The following PSMC3IP variants were observed in gnomAD, a reference collection of about 807,000 sequenced individuals.
PSMC3IP encodes homologous-pairing protein 2 homolog.
A neutral mutation model predicts 34.9 loss-of-function variants in PSMC3IP; 26 were observed. The ratio of observed to expected loss-of-function variants is 0.74; its 90% CI spans 0.55 to 1.03. PSMC3IP has a LOEUF of 1.03. Among genes scored for constraint, PSMC3IP ranks in the 50% least tolerant of loss-of-function variants. PSMC3IP has a pLI of 0.00. For synonymous variants in PSMC3IP, 87 were observed against 96.5 expected, an observed-to-expected ratio of 0.90 and a Z score of 0.57; for missense variants, 250 against 263.1, an observed-to-expected ratio of 0.95 and a Z score of 0.34.
Position 42,577,459 on chromosome 17 carries a change from A to G in PSMC3IP, c.135+2T>C. The stretch of plus-strand genomic sequence containing the variant: ...GAGGGAATCCCGGGAGAAGGTCCTC[A>G]CCGCCTTGCCCAGTCCGTGTTCCCG... On this transcript the variant is annotated splice_donor_variant, in intron 2 of 7. Coordinates refer to ENST00000393795, the MANE Select transcript of PSMC3IP (RefSeq NM_016556.4). LOFTEE classifies it high-confidence loss of function. 1 of 1,613,916 alleles carries G rather than the reference A, an allele frequency of 6.2e-7. No homozygotes were observed.
intron 6 of PSMC3IP, 71 bp downstream of exon 6, chr17:42,573,240 A>G (rs2093048125): frequency 6.2e-7 from 1 of 1,613,952 alleles, no homozygotes. Flanking sequence ...GATATTGTGT[A>G]GCGGCTGATC....
At position 42,577,542 on chromosome 17, in the gene PSMC3IP, C is replaced by A; in HGVS notation, c.54G>T (p.Arg18Ser). 1 of 1,614,194 alleles carries A rather than the reference C, an allele frequency of 6.2e-7. No individual in the cohort carries two copies. Among genetic ancestry groups the A allele is most frequent in the Non-Finnish European group, 8.5e-7 (1 of 1,180,032 alleles). Reference sequence around the variant, plus strand: ...AGGGCCGGTTCTGCTCCTGCAGGTACCTCAGGAGGATCCCGGCGGCTACGG... The same window carrying A: ...AGGGCCGGTTCTGCTCCTGCAGGTAACTCAGGAGGATCCCGGCGGCTACGG... Reference protein sequence around the residue: ...AAAGAAGILLRYLQEQNRPYS... With the variant: ...AAAGAAGILLSYLQEQNRPYS... Residue 18 changes from arginine to serine, a missense_variant, in exon 2 of 8, where the codon AGG becomes AGT. Physicochemically the swap from Arg to Ser is moderately radical, Grantham distance 110 (BLOSUM62 -1). Coordinates refer to ENST00000393795, the MANE Select transcript of PSMC3IP (RefSeq NM_016556.4).
chr17:42,576,100 T>C (rs978393258), intron 3 of PSMC3IP, among the ~76,000 whole-genome samples: 2 of 152,068 alleles, frequency 1.3e-5, no homozygotes, highest in Non-Finnish European at 2.9e-5. Flanking sequence ...TCAAGGAAGA[T>C]TTCTGGAAAA....
In PSMC3IP at chr17:42,577,604, C is replaced by G. The variant is rs1395865504; in HGVS notation, c.35-43G>C. The G allele has an allele frequency of 2.5e-6, 4 of 1,614,086 alleles. No homozygotes were observed. In the African/African-American group the frequency reaches 5.3e-5, roughly 22 times the overall value. On this transcript the variant is annotated intron_variant, in intron 1 of 7. Transcript: ENST00000393795. ...GGGGAGGGGGCCACTCAACCGACCT[C>G]CTCACCCACTGCCCTCCCGGGTCTT...
At chr17:42,575,322 T>G (rs899509849) in intron 3 of PSMC3IP, among the ~76,000 whole-genome samples, 2 of 152,200 alleles carry the variant, frequency 1.3e-5, no homozygotes, top group Admixed American at 1.3e-4. Flanking sequence ...AAAATTTTAT[T>G]GAAACAGCCC....
Position 42,572,974 on chromosome 17 carries a change from G to C in PSMC3IP, c.648C>G (p.Asp216Glu). Residue 216 changes from aspartate to glutamate, a missense_variant, in exon 8 of 8, where the codon GAC becomes GAG. By Grantham distance (45) the Asp-to-Glu change is conservative. Coordinates refer to ENST00000393795, the MANE Select transcript of PSMC3IP (RefSeq NM_016556.4). ...TDEDYNVTLP[D>E]P ...AGTCCTGACCGTGGGCCCCTCAGGG[G>C]TCTGGGAGTGTGACGTTGTAATCTT... 6.2e-7 allele frequency: 1 copy of C among 1,614,176 alleles called. No homozygotes were observed. The highest frequency in any genetic ancestry group is 2.2e-5 in the East Asian group (1 of 44,888).
chr17:42,574,898 C>T (rs551572583), intron 3 of PSMC3IP, among the ~76,000 whole-genome samples: 21 of 152,262 alleles, frequency 1.4e-4, no homozygotes, highest in South Asian at 1.0e-3. Flanking sequence ...GGATTACAGG[C>T]GCGCACCACC....
intron 3 of PSMC3IP, among the ~76,000 whole-genome samples, chr17:42,574,603 G>A (rs2093061132): frequency 6.6e-6 from 1 of 152,198 alleles, no homozygotes; most frequent in East Asian, 1.9e-4. Flanking sequence ...GAAGCATGAT[G>A]GATGGGATGG....
intron 4 of PSMC3IP, 180 bp from the exon 5 acceptor site, chr17:42,573,803 G>A: frequency 6.6e-7 from 1 of 1,521,092 alleles, no homozygotes. Flanking sequence ...CAAGTGGCGT[G>A]GGTGTGAGGT....
At chr17:42,575,879 G>C (rs1314175196) in intron 3 of PSMC3IP, among the ~76,000 whole-genome samples, 1 of 151,156 alleles carries the variant, frequency 6.6e-6, no homozygotes, top group Non-Finnish European at 1.5e-5. Context: ...AAAAAATTAG[G>C]CTTCGTGGCG....
rs1207183603 is a variant in PSMC3IP at position 42,574,193 on chromosome 17, C to T, written c.243G>A (p.Val81=). 6.2e-7 allele frequency: 1 copy of T among 1,614,060 alleles called. No homozygotes were observed. Among genetic ancestry groups the T allele is most frequent in the South Asian group, 1.1e-5 (1 of 91,056 alleles). Residue 81 remains valine, a synonymous_variant, in exon 4 of 8, where the codon GTG becomes GTA. Coordinates refer to ENST00000393795, the MANE Select transcript of PSMC3IP (RefSeq NM_016556.4). ...CTAGGACTTGAAGGTCAGCATCACT[C>T]ACCATGTCAAACTGGTCCTGCCAGA... ...YFADQDQFDM[V]SDADLQVLDG... is the part of the protein sequence containing the mutation.
rs1179848928 is a variant in PSMC3IP at position 42,572,604 on chromosome 17, A to ACTT, written c.*361_*363dup. ...CTCTCTACCCTAGTTCTCCAAATTC[A>ACTT]CTTCTGCCTTCCTCAGGTTTGATAT... On this transcript the variant is annotated 3_prime_UTR_variant, in exon 8 of 8. Coordinates refer to ENST00000393795, the MANE Select transcript of PSMC3IP (RefSeq NM_016556.4). 1 of 451,056 alleles carries ACTT rather than the reference A, an allele frequency of 2.2e-6. No individual in the cohort carries two copies. Among genetic ancestry groups the ACTT allele is most frequent in the Admixed American group, 2.4e-5 (1 of 42,314 alleles). 27.9% of individuals were successfully genotyped at this position (451,056 alleles called of 1,614,324 possible).
chr17:42,574,544 G>A (rs1567913644), intron 3 of PSMC3IP, among the ~76,000 whole-genome samples: 1 of 152,184 alleles, frequency 6.6e-6, no homozygotes, highest in Non-Finnish European at 1.5e-5. Flanking sequence ...CCACGGTGGG[G>A]AAACCTAGAT....
At chr17:42,574,367 ATTGTTTT>A in intron 3 of PSMC3IP, 157 bp from the exon 4 acceptor site, 1 of 1,476,424 alleles carries the variant, frequency 6.8e-7, no homozygotes, top group Non-Finnish European at 9.0e-7. Flanking sequence ...CTTTTGAGAA[ATTGTTTT>A]CAGTTAAGGA....
chr17:42,573,388 C>CT (rs750192665), intron 5 of PSMC3IP, 24 bp from the exon 6 acceptor site: 6 of 1,614,086 alleles, frequency 3.7e-6, no homozygotes, highest in Non-Finnish European at 5.1e-6. Context: ...GCAAGTTCCT[C>CT]TAACTCCTCA....
chr17:42,577,455 C>G lies in PSMC3IP; in HGVS notation c.135+6G>C. On this transcript the variant is annotated splice_donor_region_variant and intron_variant, in intron 2 of 7. Coordinates refer to ENST00000393795, the MANE Select transcript of PSMC3IP (RefSeq NM_016556.4). Reference sequence around the variant, plus strand: ...CGGAGAGGGAATCCCGGGAGAAGGTCCTCACCGCCTTGCCCAGTCCGTGTT... The same window carrying G: ...CGGAGAGGGAATCCCGGGAGAAGGTGCTCACCGCCTTGCCCAGTCCGTGTT... 1 of 1,614,000 alleles carries G rather than the reference C, an allele frequency of 6.2e-7. No individual in the cohort carries two copies. Among genetic ancestry groups the G allele is most frequent in the Non-Finnish European group, 8.5e-7 (1 of 1,179,898 alleles).
chr17:42,577,688 G>C lies in PSMC3IP; in HGVS notation c.-2C>G, dbSNP rs1471473500. On this transcript the variant is annotated 5_prime_UTR_variant, in exon 1 of 8. Coordinates refer to ENST00000393795, the MANE Select transcript of PSMC3IP (RefSeq NM_016556.4). ...AGCTTCTGCCCGGCCTTTACTCATC[G>C]CCTTTCCCGCCACCCAACTCAGAAA... The C allele has an allele frequency of 1.2e-5, 19 of 1,613,910 alleles. No homozygotes were observed. The highest frequency in any genetic ancestry group is 1.6e-5 in the Non-Finnish European group (19 of 1,179,944).
In PSMC3IP at chr17:42,574,125, T is replaced by C. The variant is rs997938324; in HGVS notation, c.311A>G (p.Gln104Arg). ...AGCCTCCATGTAGCGGCAGCTCTGC[T>C]GCAAGCTCTGCACCTTAGCAGTGAG... is the stretch of plus-strand genomic sequence containing the variant. Reference protein sequence around the residue: ...VALTAKVQSLQQSCRYMEAEL... With the variant: ...VALTAKVQSLRQSCRYMEAEL... The change falls in exon 4 of 8, where the codon CAG becomes CGG. Residue 104 changes from glutamine (Q) to arginine (R), a missense_variant. Physicochemically the swap from Gln to Arg is conservative, Grantham distance 43. Coordinates refer to ENST00000393795, the MANE Select transcript of PSMC3IP (RefSeq NM_016556.4). 6.2e-7 allele frequency: 1 copy of C among 1,614,072 alleles called. No individual in the cohort carries two copies. Among genetic ancestry groups the C allele is most frequent in the African/African-American group, 1.3e-5 (1 of 74,936 alleles).
At chr17:42,575,209 G>T (rs562113985) in intron 3 of PSMC3IP, among the ~76,000 whole-genome samples, 1 of 152,244 alleles carries the variant, frequency 6.6e-6, no homozygotes, top group Non-Finnish European at 1.5e-5. Flanking sequence ...ATGCCAGCCA[G>T]TGCAGTCTGG....
Sources: gnomAD v4.1 joint callset for allele counts (sites outside exome capture counted in the v4.1 genomes callset) on GRCh38, gnomAD v4.1.1 for gene constraint, MANE v1.5 for transcripts, NCBI Gene and HGNC (gene_info 2026-07-23, HGNC 2026-07-21) for gene names.